TTC34: variants seen among roughly 807,000 people sequenced by gnomAD.
TTC34 encodes the protein tetratricopeptide repeat domain 34, also known as tetratricopeptide repeat protein 34.
In TTC34, 44 loss-of-function variants were observed where a neutral mutation model predicts 40.7. The observed-to-expected ratio is 1.08, with a 90% confidence interval of 0.85 to 1.39. The LOEUF (loss-of-function observed/expected upper bound fraction) is 1.39. TTC34 is among the 40% of genes most tolerant of loss of function. The probability of loss-of-function intolerance (pLI) is 0.00; values close to 1 mark genes in which losing one functional copy is unlikely to be tolerated. For synonymous variants in TTC34, 422 were observed against 398.6 expected (o/e 1.06, Z -0.70); for missense variants, 884 against 838.0 (o/e 1.05, Z -0.68).
chr1:2,641,399 C>T (rs1192579522), exon 9 of TTC34: 2 of 1,526,676 alleles, frequency 1.3e-6, no homozygotes, highest in Non-Finnish European at 1.8e-6. Flanking sequence ...GGATGCCTCC[C>T]TCCGGATTCT....
intron 6 of TTC34, among the ~76,000 whole-genome samples, chr1:2,779,427 G>A (rs1229241582): frequency 2.0e-5 from 3 of 152,144 alleles, no homozygotes; most frequent in East Asian, 1.9e-4. Context: ...GGGTTCAAGC[G>A]ATTCTCCTGC....
chr1:2,753,591 CTGA>C (rs1641399061), intron 6 of TTC34, among the ~76,000 whole-genome samples: 2 of 103,968 alleles, frequency 1.9e-5, no homozygotes, highest in Non-Finnish European at 3.6e-5. Context: ...AGGTGAGCAT[CTGA>C]CATCGTGGAG....
At position 2,685,301 on chromosome 1, in the gene TTC34, C is replaced by A. The variant is rs554253012; in HGVS notation, c.2227-39738G>T. On this transcript the variant is annotated intron_variant, in intron 6 of 8. Transcript: ENST00000401095. ...CACCCCCAGGTGAGCATCCCACAGC[C>A]TGGAGCAGCACACACACCCACAAGC... 2.6e-4 allele frequency among the ~76,000 whole-genome samples: 28 copies of A among 109,788 alleles called. No homozygotes were observed. In the South Asian group the frequency reaches 9.1e-3, roughly 36 times the overall value. 72.0% of individuals were successfully genotyped at this position (109,788 alleles called of 152,430 possible).
intron 6 of TTC34, among the ~76,000 whole-genome samples, chr1:2,687,567 C>G (rs541070557): frequency 1.4e-5 from 2 of 145,928 alleles, no homozygotes; most frequent in East Asian, 2.0e-4. Flanking sequence ...CACGCTGCAC[C>G]GCCAGGTGAC....
chr1:2,695,135 C>T (rs558715965), intron 6 of TTC34, among the ~76,000 whole-genome samples: 1 of 111,674 alleles, frequency 9.0e-6, no homozygotes, highest in Non-Finnish European at 2.0e-5. Context: ...CATCTGACAG[C>T]GTGGAACAGC....
chr1:2,688,116 C>A (rs1422172268), intron 6 of TTC34, among the ~76,000 whole-genome samples: 228 of 151,918 alleles, frequency 1.5e-3, no homozygotes, highest in African/African-American at 5.4e-3. Context: ...CAGCCTGGAA[C>A]AGCACCCACA....
Position 2,761,283 on chromosome 1 carries a change from C to T in TTC34, c.2226+22326G>A, listed in dbSNP as rs1290152119. On this transcript the variant is annotated intron_variant, in intron 6 of 8. Coordinates refer to ENST00000401095, the Ensembl canonical transcript of TTC34. Reference sequence around the variant, plus strand: ...CCGACAGTCTGGGGCAGCACCCACTCCCGCAGGTGAGCATCCGACAGCCTG... The same window carrying T: ...CCGACAGTCTGGGGCAGCACCCACTTCCGCAGGTGAGCATCCGACAGCCTG... Among the ~76,000 whole-genome samples the T allele has an allele frequency of 3.0e-5, 2 of 66,202 alleles. 1 individual carries two copies. Among genetic ancestry groups the T allele is most frequent in the African/African-American group, 2.4e-4 (2 of 8,198 alleles). The allele number at this position is 66,202 out of a possible 152,430, so 43.4% of individuals were successfully genotyped here.
rs143707805 is a variant in TTC34, at chr1:2,791,726, G to A, written c.785-1380C>T. ...GATTTTTGCAGTGGCTCATGGATCC[G>A]AGGGAGCTGCAGCCAGGGGAGAACC... On this transcript the variant is annotated intron_variant, in intron 2 of 8. Transcript: ENST00000401095. Among the ~76,000 whole-genome samples the A allele has an allele frequency of 1.8e-3, 277 of 152,178 alleles. 1 individual carries two copies. Among genetic ancestry groups the A allele is most frequent in the African/African-American group, 5.6e-3 (234 of 41,510 alleles).
chr1:2,698,850 C>G (rs1372030710), intron 6 of TTC34, among the ~76,000 whole-genome samples: 3,441 of 88,704 alleles, frequency 0.039, no homozygotes, highest in Middle Eastern at 0.067. Context: ...TACCCACACT[C>G]CCAGGCGAGC....
chr1:2,800,654 C>A, exon 2 of TTC34: 2 of 398,508 alleles, frequency 5.0e-6, no homozygotes, highest in Non-Finnish European at 4.4e-6. Flanking sequence ...GGGTGGCCAC[C>A]ACCGCCGCCC....
At chr1:2,688,602 C>T (rs1329180309) in intron 6 of TTC34, among the ~76,000 whole-genome samples, 2 of 141,128 alleles carry the variant, frequency 1.4e-5, no homozygotes, top group Non-Finnish European at 3.0e-5. Context: ...CCTGGAGCAG[C>T]ACCCACACCC....
chr1:2,777,740 C>T (rs935877355), intron 6 of TTC34, among the ~76,000 whole-genome samples: 5 of 151,118 alleles, frequency 3.3e-5, no homozygotes, highest in Non-Finnish European at 7.4e-5. Flanking sequence ...AATTCACAGG[C>T]ATGACGGGGC....
At chr1:2,656,153 C>T (rs1442143705) in intron 6 of TTC34, among the ~76,000 whole-genome samples, 1 of 146,750 alleles carries the variant, frequency 6.8e-6, no homozygotes, top group Non-Finnish European at 1.5e-5. Context: ...GAGCATCTGA[C>T]AGACTGGAAC....
At chr1:2,643,570 G>A (rs1364882458) in intron 8 of TTC34, among the ~76,000 whole-genome samples, 4 of 151,982 alleles carry the variant, frequency 2.6e-5, no homozygotes, top group Admixed American at 6.6e-5. Flanking sequence ...CAGTCCCTCT[G>A]GGAGCTCTGA....
Position 2,791,937 on chromosome 1 carries a change from C to T in TTC34, c.785-1591G>A, listed in dbSNP as rs117226101. Among the ~76,000 whole-genome samples, 49 of 149,722 alleles carry T rather than the reference C, an allele frequency of 3.3e-4. No individual in the cohort carries two copies. In the East Asian group the frequency reaches 4.1e-3, roughly 13 times the overall value. ...ATTTCTATTCTGTCTTCAAGTTCAC[C>T]GACCCTTCTACTGTCGCTAATATTT... On this transcript the variant is annotated intron_variant, in intron 2 of 8. Transcript: ENST00000401095.
intron 2 of TTC34, among the ~76,000 whole-genome samples, chr1:2,795,365 T>C (rs1423867760): frequency 6.6e-6 from 1 of 152,238 alleles, no homozygotes; most frequent in African/African-American, 2.4e-5. Flanking sequence ...GCTGCAGCCA[T>C]CCAGTGGCTT....
chr1:2,752,389 G>T (rs1205338812), intron 6 of TTC34, among the ~76,000 whole-genome samples: 6 of 4,792 alleles, frequency 1.3e-3, no homozygotes, highest in Admixed American at 2.1e-3. Context: ...GAGCATCTGA[G>T]AGCATGTAAC....
In TTC34 at chr1:2,783,601, G is replaced by C. The variant is rs747873232; in HGVS notation, c.2226+8C>G. On this transcript the variant is annotated splice_region_variant and intron_variant, in intron 6 of 8. Coordinates refer to ENST00000401095, the Ensembl canonical transcript of TTC34. ...TTGCCCAGGCCCAGGTCAGGAGTGGGGCGGCACCTGCAGCTGGTCTAGGGC... is the reference window on the plus strand; with the variant it reads ...TTGCCCAGGCCCAGGTCAGGAGTGGCGCGGCACCTGCAGCTGGTCTAGGGC... The C allele has an allele frequency of 1.3e-5, 18 of 1,409,336 alleles. 1 individual carries two copies. In the South Asian group the frequency reaches 2.6e-4, roughly 20 times the overall value. 87.3% of individuals were successfully genotyped at this position (1,409,336 alleles called of 1,614,324 possible).
At chr1:2,691,984 C>A (rs1459719475) in intron 6 of TTC34, among the ~76,000 whole-genome samples, 5 of 77,628 alleles carry the variant, frequency 6.4e-5, no homozygotes, top group East Asian at 7.6e-4. Context: ...AGCTCCCACA[C>A]CCCCAGGCGA....
Sources: gnomAD v4.1 joint callset for allele counts (sites outside exome capture counted in the v4.1 genomes callset) on GRCh38, gnomAD v4.1.1 for gene constraint, MANE v1.5 for transcripts, NCBI Gene and HGNC (gene_info 2026-07-23, HGNC 2026-07-21) for gene names.